The following ZFAND2A variants were observed in gnomAD, a reference collection of about 807,000 sequenced individuals.
ZFAND2A encodes zinc finger AN1-type containing 2A.
A neutral mutation model predicts 11.6 loss-of-function variants in ZFAND2A; 20 were observed. That is an observed-to-expected ratio of 1.72 (90% CI 1.21 to 2.50). The LOEUF (loss-of-function observed/expected upper bound fraction) is 2.50, where lower values mean the gene tolerates loss of function less well. Among genes scored for constraint, ZFAND2A ranks in the 30% most tolerant of loss-of-function variants. The pLI is 0.00. For missense variants in ZFAND2A, 234 were observed against 182.9 expected (o/e 1.28, Z -1.61); for synonymous variants, 93 against 60.6 (o/e 1.54, Z -2.48).
At chr7:1,155,349 T>G (rs1793496966) in intron 4 of ZFAND2A, 104 bp downstream of exon 4, 2 of 1,495,052 alleles carry the variant, frequency 1.3e-6, no homozygotes, top group Non-Finnish European at 1.8e-6. Context: ...CTTTTCTACT[T>G]TGTACATAAA....
At chr7:1,150,335 G>A (rs1359658472), downstream of ZFAND2A, among the ~76,000 whole-genome samples, 2 of 151,532 alleles carry the variant, frequency 1.3e-5, no homozygotes, top group African/African-American at 4.9e-5. Flanking sequence ...AAAAAAAAAG[G>A]CAGTGGCTTG....
At position 1,155,505 on chromosome 7, in the gene ZFAND2A, C is replaced by T. The variant is rs200637413; in HGVS notation, c.230G>A (p.Gly77Asp). The change falls in exon 4 of 5, where the codon GGT becomes GAT. Residue 77 changes from glycine (G) to aspartate (D), a missense_variant. By Grantham distance (94) the Gly-to-Asp change is moderately conservative. Transcript: ENST00000316495. The part of the protein sequence containing the change: ...KKGQIPDVVV[G>D]DHIDRDCDSH... ...GTCACAGTCTCTGTCAATGTGATCACCAACCACCACGTCTGGTATCTGGCC... is the reference window on the plus strand; with the variant it reads ...GTCACAGTCTCTGTCAATGTGATCATCAACCACCACGTCTGGTATCTGGCC... 4 of 1,613,974 alleles carry T rather than the reference C, an allele frequency of 2.5e-6. No homozygotes were observed. In the African/African-American group the frequency reaches 4.0e-5, roughly 16 times the overall value.
chr7:1,156,218 T>C, intron 3 of ZFAND2A, among the ~76,000 whole-genome samples: 1 of 42,986 alleles, frequency 2.3e-5, no homozygotes, highest in South Asian at 8.4e-4. Context: ...TCCGAAGGGG[T>C]GGACCGCCCA....
At chr7:1,152,219 C>G (rs766985764), downstream of ZFAND2A, 26 of 1,547,872 alleles carry the variant, frequency 1.7e-5, no homozygotes, top group Admixed American at 3.9e-5. Context: ...CAGCACCCCA[C>G]ACAGACGAAA....
chr7:1,154,229 A>G (rs1251057696), intron 4 of ZFAND2A, among the ~76,000 whole-genome samples: 3 of 150,056 alleles, frequency 2.0e-5, no homozygotes, highest in Non-Finnish European at 4.4e-5. Flanking sequence ...GCAGCGATAT[A>G]AAGTCCTAGG....
At chr7:1,155,043 G>A (rs561294521) in intron 4 of ZFAND2A, among the ~76,000 whole-genome samples, 7 of 152,268 alleles carry the variant, frequency 4.6e-5, no homozygotes, top group South Asian at 4.1e-4. Flanking sequence ...GCTTTAACCC[G>A]GGAGGCAGAG....
chr7:1,159,234 T>C (rs1434244910), intron 1 of ZFAND2A, among the ~76,000 whole-genome samples: 1 of 152,178 alleles, frequency 6.6e-6, no homozygotes, highest in Non-Finnish European at 1.5e-5. Flanking sequence ...CGAAATTGTT[T>C]TGTTCAAGGA....
chr7:1,159,913 A>C, intron 1 of ZFAND2A, 51 bp downstream of exon 1: 1 of 169,816 alleles, frequency 5.9e-6, no homozygotes. Flanking sequence ...CCTGACCTCA[A>C]GGCAGGCCCG....
intron 4 of ZFAND2A, among the ~76,000 whole-genome samples, chr7:1,153,479 T>TG (rs1241368013): frequency 6.6e-6 from 1 of 152,152 alleles, no homozygotes; most frequent in Non-Finnish European, 1.5e-5. Context: ...CAGCCTCAGG[T>TG]GATCCTCCCG....
At chr7:1,152,876 C>T (rs757491490), downstream of ZFAND2A, 29 of 858,434 alleles carry the variant, frequency 3.4e-5, no homozygotes, top group Middle Eastern at 5.5e-4. Context: ...TACTTGGTGA[C>T]GGCAGCAGTG....
downstream of ZFAND2A, chr7:1,152,313 G>A: frequency 6.3e-7 from 1 of 1,581,414 alleles, no homozygotes; most frequent in Non-Finnish European, 8.6e-7. Context: ...TCTCCCAACG[G>A]CCTGGATTCA....
At chr7:1,150,355 G>C (rs1464938067), downstream of ZFAND2A, among the ~76,000 whole-genome samples, 3 of 151,826 alleles carry the variant, frequency 2.0e-5, no homozygotes, top group African/African-American at 2.4e-5. Flanking sequence ...GTGTTTTTGT[G>C]AACTGTCTCA....
rs1455419623 is a variant in ZFAND2A, at chr7:1,153,553, AC to A, written c.283-330del. ...CACTGTGCTGGCCTTAAATTCTTTA[AC>A]AGCCTCCGGTAAGAACATTCCCATT... On this transcript the variant is annotated intron_variant, in intron 4 of 4. Coordinates refer to ENST00000316495, the MANE Select transcript of ZFAND2A (RefSeq NM_182491.4). 1.2e-4 allele frequency among the ~76,000 whole-genome samples: 19 copies of A among 152,246 alleles called. No homozygotes were observed. The East Asian group carries it at 3.7e-3, about 29-fold the overall frequency.
intron 4 of ZFAND2A, among the ~76,000 whole-genome samples, chr7:1,154,183 ATTTTTT>A (rs141971953): frequency 1.6e-5 from 2 of 128,852 alleles, no homozygotes; most frequent in Non-Finnish European, 1.6e-5. Flanking sequence ...CCCACCGGTC[ATTTTTT>A]TTTTTTTTTT....
At chr7:1,153,808 G>A (rs1793456043) in intron 4 of ZFAND2A, among the ~76,000 whole-genome samples, 1 of 152,206 alleles carries the variant, frequency 6.6e-6, no homozygotes. Context: ...AGCCAGGCAT[G>A]GTGGCGTGGT....
downstream of ZFAND2A, among the ~76,000 whole-genome samples, chr7:1,149,840 A>T (rs1007315999): frequency 1.4e-5 from 2 of 147,958 alleles, no homozygotes; most frequent in Non-Finnish European, 3.0e-5. Flanking sequence ...CAGGGTGACT[A>T]GCTTGTTCTT....
chr7:1,154,144 A>G (rs984632175), intron 4 of ZFAND2A, among the ~76,000 whole-genome samples: 2 of 151,106 alleles, frequency 1.3e-5, no homozygotes, highest in Non-Finnish European at 2.9e-5. Flanking sequence ...GGTTGTCCCC[A>G]TCAAGGGAAT....
downstream of ZFAND2A, among the ~76,000 whole-genome samples, chr7:1,150,956 G>C (rs1793387395): frequency 6.8e-6 from 1 of 147,976 alleles, no homozygotes; most frequent in African/African-American, 2.5e-5. Flanking sequence ...GGCACAATCT[G>C]GGCTCACTGC....
downstream of ZFAND2A, chr7:1,151,962 G>C (rs1042980464): frequency 2.0e-5 from 6 of 306,410 alleles, no homozygotes; most frequent in Admixed American, 2.0e-4. Flanking sequence ...GCTCTTTTCA[G>C]GTTTGTCTTG....
Sources: allele counts gnomAD v4.1 joint callset (sites outside exome capture counted in the v4.1 genomes callset), GRCh38; gene constraint gnomAD v4.1.1; transcripts MANE v1.5; gene names NCBI Gene and HGNC (gene_info 2026-07-23, HGNC 2026-07-21).